Variants in ARID1B observed in about 807,000 individuals in gnomAD.
ARID1B encodes the protein AT-rich interaction domain 1B.
A neutral mutation model predicts 212.3 loss-of-function variants in ARID1B; 30 were observed. That is an observed-to-expected ratio of 0.14 (90% CI 0.11 to 0.19). The LOEUF is 0.19. Ranked by LOEUF, ARID1B falls within the 10% of genes least tolerant of loss-of-function variation. ARID1B has a pLI of 1.00. For missense variants in ARID1B, 2,891 were observed against 3,204.0 expected (o/e 0.90, Z 2.36); for synonymous variants, 1,402 against 1,301.7 (o/e 1.08, Z -1.66).
chr6:157,083,040 C>A (rs186725539), intron 4 of ARID1B, among the ~76,000 whole-genome samples: 1 of 152,220 alleles, frequency 6.6e-6, no homozygotes, highest in South Asian at 2.1e-4. Flanking sequence ...TGCTTTGTGA[C>A]GTTTCAGGAA....
chr6:156,869,617 T>C (rs1785963258), intron 2 of ARID1B, among the ~76,000 whole-genome samples: 1 of 152,248 alleles, frequency 6.6e-6, no homozygotes, highest in Non-Finnish European at 1.5e-5. Context: ...CTTTATTTTA[T>C]CATGCTTTTC....
At chr6:157,178,104 CG>C (rs1792232037) in intron 11 of ARID1B, among the ~76,000 whole-genome samples, 1 of 152,292 alleles carries the variant, frequency 6.6e-6, no homozygotes, top group East Asian at 1.9e-4. Context: ...GTGCTGGCAG[CG>C]GACGCAACCT....
intron 3 of ARID1B, among the ~76,000 whole-genome samples, chr6:156,923,988 C>T (rs1791016499): frequency 6.6e-6 from 1 of 152,156 alleles, no homozygotes; most frequent in Non-Finnish European, 1.5e-5. Context: ...ATCTATGGTG[C>T]CCAGACTGAT....
intron 2 of ARID1B, among the ~76,000 whole-genome samples, chr6:156,833,957 C>T (rs556224325): frequency 1.3e-5 from 2 of 152,280 alleles, no homozygotes; most frequent in East Asian, 3.9e-4. Context: ...ACAAACATTA[C>T]AATTGTTTGG....
At chr6:156,848,304 A>G (rs1028689526) in intron 2 of ARID1B, among the ~76,000 whole-genome samples, 3 of 152,352 alleles carry the variant, frequency 2.0e-5, no homozygotes, top group Admixed American at 1.3e-4. Flanking sequence ...GTGTGAAACT[A>G]AAAACAACAA....
intron 4 of ARID1B, among the ~76,000 whole-genome samples, chr6:157,072,925 C>T (rs570380057): frequency 2.6e-4 from 39 of 152,148 alleles, no homozygotes; most frequent in Non-Finnish European, 5.1e-4. Context: ...TGGTTCCCTT[C>T]TCTAGTCAGT....
chr6:157,143,098 A>G (rs1036893430), intron 7 of ARID1B, among the ~76,000 whole-genome samples: 1 of 152,174 alleles, frequency 6.6e-6, no homozygotes, highest in African/African-American at 2.4e-5. Context: ...CTGGTGCTTG[A>G]ATGGAACTCC....
At chr6:157,135,956 G>C (rs1484716894) in intron 7 of ARID1B, among the ~76,000 whole-genome samples, 5 of 149,904 alleles carry the variant, frequency 3.3e-5, no homozygotes, top group Non-Finnish European at 7.4e-5. Flanking sequence ...CTTGCTTCTG[G>C]TTTTGCTTTT....
At chr6:156,956,398 A>G (rs1274432370) in intron 4 of ARID1B, among the ~76,000 whole-genome samples, 2 of 152,144 alleles carry the variant, frequency 1.3e-5, no homozygotes, top group African/African-American at 2.4e-5. Flanking sequence ...AATAAGTTTT[A>G]TAGACTGGAA....
chr6:157,119,677 C>T (rs935208297), intron 6 of ARID1B: 4 of 152,330 alleles, frequency 2.6e-5, no homozygotes, highest in African/African-American at 7.2e-5. Context: ...AACCAGTCAC[C>T]GTGCTGCCCC....
At chr6:156,961,101 C>A (rs923062229) in intron 4 of ARID1B, among the ~76,000 whole-genome samples, 1 of 152,180 alleles carries the variant, frequency 6.6e-6, no homozygotes, top group Non-Finnish European at 1.5e-5. Context: ...AAACCTCTAA[C>A]CCAAATCCCT....
intron 6 of ARID1B, among the ~76,000 whole-genome samples, chr6:157,127,456 A>T (rs1583356008): frequency 6.6e-6 from 1 of 152,052 alleles, no homozygotes; most frequent in South Asian, 2.1e-4. Flanking sequence ...GGAGTTTGAG[A>T]CCAGCCTGGC....
At chr6:157,082,350 G>A (rs1372633700) in intron 4 of ARID1B, among the ~76,000 whole-genome samples, 3 of 152,122 alleles carry the variant, frequency 2.0e-5, no homozygotes, top group Non-Finnish European at 4.4e-5. Context: ...TTTCAACTTT[G>A]CAGCCCCTGT....
chr6:156,814,277 G>A lies in ARID1B; in HGVS notation c.1792-14950G>A, dbSNP rs142229833. Among the ~76,000 whole-genome samples, 216 of 152,156 alleles carry A rather than the reference G, an allele frequency of 1.4e-3. 5 individuals are homozygous for A. The highest frequency in any genetic ancestry group is 5.0e-3 in the African/African-American group (207 of 41,526). On this transcript the variant is annotated intron_variant, in intron 1 of 19. Transcript: ENST00000636930. ...CAAAAAATACAACAAAACTTAGCTG[G>A]GCATGGTGGCACGCGCCTATGGTCC...
At chr6:156,912,359 G>A (rs991045545) in intron 3 of ARID1B, among the ~76,000 whole-genome samples, 1 of 147,168 alleles carries the variant, frequency 6.8e-6, no homozygotes, top group African/African-American at 2.5e-5. Context: ...TCGCCCTCAC[G>A]CTCCTGCATG....
At chr6:157,142,529 A>G (rs1377020320) in intron 7 of ARID1B, among the ~76,000 whole-genome samples, 1 of 152,042 alleles carries the variant, frequency 6.6e-6, no homozygotes, top group African/African-American at 2.4e-5. Flanking sequence ...AGGAGGCTCA[A>G]GTGGGAGGAT....
At chr6:157,183,036 ACT>A (rs1792676698) in intron 12 of ARID1B, among the ~76,000 whole-genome samples, 1 of 151,412 alleles carries the variant, frequency 6.6e-6, no homozygotes, top group South Asian at 2.1e-4. Flanking sequence ...CTGTCATGAG[ACT>A]CTCCGCGGGC....
rs1794533115 is a variant in ARID1B, at chr6:157,207,152, G to A, written c.6380G>A (p.Gly2127Glu). The stretch of plus-strand genomic sequence containing the variant: ...GAGAAAGAGGAGGATGAGGACAAGG[G>A]GGTGGCCTGCAGCAAAGATGAGTGG... ...TYEKEEDEDK[G>E]VACSKDEWWW... The change falls in exon 20 of 20, where the codon GGG (glycine) becomes GAG (glutamate). Residue 2127 changes from glycine to glutamate, a missense_variant. Around this residue, in one of 7 missense-constraint regions of ARID1B, gnomAD observed 41 missense variants for 40.4 expected, o/e 1.01. Transcript: ENST00000636930. This position sits in a 1 kb window ranked among gnomAD's most constrained non-coding sequence, Gnocchi z 8.5. 6.2e-7 allele frequency: 1 copy of A among 1,614,220 alleles called. No individual in the cohort carries two copies. The highest frequency in any genetic ancestry group is 8.5e-7 in the Non-Finnish European group (1 of 1,180,034).
chr6:156,829,465 T>C (rs140163041), intron 2 of ARID1B, 44 bp downstream of exon 2: 1 of 1,562,132 alleles, frequency 6.4e-7, no homozygotes, highest in African/African-American at 1.4e-5. Flanking sequence ...GTAATAGTTT[T>C]GTCTTTGCCT....
Sources: allele counts gnomAD v4.1 joint callset (sites outside exome capture counted in the v4.1 genomes callset), GRCh38; gene constraint gnomAD v4.1.1; regional missense constraint gnomAD v4.1.1; non-coding constraint Gnocchi (gnomAD v3.1); transcripts MANE v1.5; gene names NCBI Gene and HGNC (gene_info 2026-07-23, HGNC 2026-07-21).